The following PRKG1 variants were observed in gnomAD, a reference collection of about 807,000 sequenced individuals.
PRKG1 encodes the protein protein kinase cGMP-dependent 1, also known as cGMP-dependent protein kinase 1.
In PRKG1, 35 loss-of-function variants were observed where a neutral mutation model predicts 88.1. That is an observed-to-expected ratio of 0.40 (90% CI 0.30 to 0.53). The LOEUF is 0.53. Ranked by LOEUF, PRKG1 falls within the 20% of genes least tolerant of loss-of-function variation. PRKG1 has a pLI of 0.59. For missense variants in PRKG1, 540 were observed against 839.8 expected (o/e 0.64, Z 4.41); for synonymous variants, 303 against 292.5 (o/e 1.04, Z -0.37).
intron 3 of PRKG1, among the ~76,000 whole-genome samples, chr10:51,732,146 G>A (rs755599207): frequency 2.6e-5 from 4 of 151,718 alleles, no homozygotes; most frequent in Non-Finnish European, 5.9e-5. Flanking sequence ...TGCAACCTCC[G>A]CCTTCTGGGC....
chr10:52,100,737 T>C (rs1253802097), intron 7 of PRKG1, among the ~76,000 whole-genome samples: 1 of 152,256 alleles, frequency 6.6e-6, no homozygotes, highest in Non-Finnish European at 1.5e-5. Flanking sequence ...GTTGGTTTCA[T>C]AGAATCTATG....
intron 2 of PRKG1, among the ~76,000 whole-genome samples, chr10:51,310,058 T>C (rs186506956): frequency 6.6e-6 from 1 of 152,234 alleles, no homozygotes; most frequent in Admixed American, 6.5e-5. Flanking sequence ...CACATGGGCA[T>C]AGAGTGTAGA....
chr10:51,234,016 T>G (rs189373505), intron 2 of PRKG1, among the ~76,000 whole-genome samples: 44 of 152,260 alleles, frequency 2.9e-4, no homozygotes, highest in African/African-American at 9.9e-4. Context: ...GAAATGCATA[T>G]TTTCCAAATT....
chr10:51,506,744 C>A (rs529465669), intron 3 of PRKG1, among the ~76,000 whole-genome samples: 2 of 152,058 alleles, frequency 1.3e-5, no homozygotes, highest in African/African-American at 4.8e-5. Context: ...GGCATTGTGG[C>A]GATTCCTCAG....
intron 2 of PRKG1, among the ~76,000 whole-genome samples, chr10:51,326,676 C>T (rs553315511): frequency 1.6e-4 from 24 of 152,260 alleles, no homozygotes; most frequent in South Asian, 6.2e-4. Flanking sequence ...TTCAACATAA[C>T]GATTTCTTTA....
chr10:51,026,516 C>A (rs1589113046), intron 1 of PRKG1, among the ~76,000 whole-genome samples: 3 of 152,178 alleles, frequency 2.0e-5, no homozygotes, highest in East Asian at 3.8e-4. Flanking sequence ...GTTCATGGAA[C>A]CTAGTGCCAA....
intron 3 of PRKG1, among the ~76,000 whole-genome samples, chr10:51,600,921 TGA>T (rs35381319): frequency 4.0e-5 from 6 of 148,338 alleles, no homozygotes; most frequent in Middle Eastern, 3.2e-3. Flanking sequence ...AGTTCATTTT[TGA>T]GAGAGAGAGA....
chr10:51,777,143 G>A (rs1431619376), intron 3 of PRKG1, among the ~76,000 whole-genome samples: 2 of 152,052 alleles, frequency 1.3e-5, no homozygotes, highest in Admixed American at 1.3e-4. Context: ...AGTCTAATTT[G>A]TACTGTAGTA....
At chr10:51,094,710 C>T (rs937997291) in intron 1 of PRKG1, among the ~76,000 whole-genome samples, 4 of 152,002 alleles carry the variant, frequency 2.6e-5, no homozygotes, top group African/African-American at 4.8e-5. Context: ...CAAAAGCTGC[C>T]GAAACCCTTG....
intron 5 of PRKG1, among the ~76,000 whole-genome samples, chr10:51,943,951 G>T (rs11595806): frequency 0.11 from 17,032 of 151,946 alleles, 1,240 homozygotes; most frequent in East Asian, 0.35. Flanking sequence ...TTTGGTATCA[G>T]GATGATGCTG....
chr10:51,696,005 GA>G (rs1841281553), intron 3 of PRKG1: 1 of 151,976 alleles, frequency 6.6e-6, no homozygotes, highest in African/African-American at 2.4e-5. Context: ...TTATTTTCAA[GA>G]AAAAATAAAG....
chr10:51,793,138 CAAA>C (rs775904836), intron 3 of PRKG1, among the ~76,000 whole-genome samples: 1 of 69,740 alleles, frequency 1.4e-5, no homozygotes, highest in East Asian at 4.8e-4. Context: ...CAGCACACTG[CAAA>C]AAAAAAAAAA....
At chr10:51,728,759 T>A (rs1842202128) in intron 3 of PRKG1, among the ~76,000 whole-genome samples, 1 of 152,102 alleles carries the variant, frequency 6.6e-6, no homozygotes, top group South Asian at 2.1e-4. Flanking sequence ...GGAGCTTAGG[T>A]GTACTTTAAG....
intron 3 of PRKG1, among the ~76,000 whole-genome samples, chr10:51,662,556 T>C (rs1564595559): frequency 6.6e-6 from 1 of 152,184 alleles, no homozygotes; most frequent in Non-Finnish European, 1.5e-5. Context: ...ATGTGTCAGT[T>C]ACTGTACTAG....
chr10:52,063,555 T>A (rs1846287542), intron 7 of PRKG1, among the ~76,000 whole-genome samples: 1 of 152,236 alleles, frequency 6.6e-6, no homozygotes, highest in South Asian at 2.1e-4. Context: ...TCTTTTAGCC[T>A]CACCATTCAG....
chr10:51,403,927 C>A (rs1837832121), intron 2 of PRKG1, among the ~76,000 whole-genome samples: 1 of 152,116 alleles, frequency 6.6e-6, no homozygotes, highest in Non-Finnish European at 1.5e-5. Context: ...ATTAACATTA[C>A]TAGGTAGTAA....
At chr10:51,366,152 C>T (rs1842585795) in intron 2 of PRKG1, among the ~76,000 whole-genome samples, 1 of 151,614 alleles carries the variant, frequency 6.6e-6, no homozygotes, top group Admixed American at 6.6e-5. Flanking sequence ...CATTTTATTT[C>T]TCTGGTATAA....
chr10:51,593,578 C>T (rs12268846), intron 3 of PRKG1, among the ~76,000 whole-genome samples: 77 of 152,150 alleles, frequency 5.1e-4, no homozygotes, highest in African/African-American at 1.4e-3. Context: ...ATTATTCAAA[C>T]GCAGGTGGTC....
chr10:51,370,601 A>G (rs992345394), intron 2 of PRKG1, among the ~76,000 whole-genome samples: 3 of 151,812 alleles, frequency 2.0e-5, no homozygotes, highest in Non-Finnish European at 4.4e-5. Context: ...AATGCATCCC[A>G]TCAGTGACCA....
Sources: gnomAD v4.1 joint callset for allele counts (sites outside exome capture counted in the v4.1 genomes callset) on GRCh38, gnomAD v4.1.1 for gene constraint, MANE v1.5 for transcripts, NCBI Gene and HGNC (gene_info 2026-07-23, HGNC 2026-07-21) for gene names.